SLC44A5: variants seen among roughly 807,000 people sequenced by gnomAD.
SLC44A5 encodes choline transporter-like protein 5.
SLC44A5 carries 57 observed loss-of-function variants against 101.8 expected under a neutral mutation model. That is an observed-to-expected ratio of 0.56 (90% CI 0.45 to 0.70). The LOEUF (loss-of-function observed/expected upper bound fraction) is 0.70, where lower values mean the gene tolerates loss of function less well. Among genes scored for constraint, SLC44A5 ranks in the 30% least tolerant of loss-of-function variants. SLC44A5 has a pLI of 0.00. For synonymous variants in SLC44A5, 281 were observed against 290.9 expected (o/e 0.97, Z 0.35); for missense variants, 737 against 853.1 (o/e 0.86, Z 1.70).
chr1:75,428,549 C>T (rs866314896), intron 2 of SLC44A5, among the ~76,000 whole-genome samples: 1 of 152,140 alleles, frequency 6.6e-6, no homozygotes, highest in African/African-American at 2.4e-5. Flanking sequence ...CAGATGTTCT[C>T]ATTGTGGAAG....
At chr1:75,518,650 G>A (rs1052551674) in intron 2 of SLC44A5, among the ~76,000 whole-genome samples, 6 of 152,252 alleles carry the variant, frequency 3.9e-5, no homozygotes, top group East Asian at 1.9e-4. Flanking sequence ...ATTAGAAGTC[G>A]TTTTAATTTT....
intron 2 of SLC44A5, among the ~76,000 whole-genome samples, chr1:75,511,690 G>C (rs74089287): frequency 0.017 from 2,619 of 152,306 alleles, 65 homozygotes; most frequent in African/African-American, 0.059. Context: ...CCAGTAAGAA[G>C]TGGACAATTT....
chr1:75,281,053 A>T (rs1232794078), intron 5 of SLC44A5, among the ~76,000 whole-genome samples: 4 of 152,148 alleles, frequency 2.6e-5, no homozygotes, highest in African/African-American at 4.8e-5. Context: ...GAGGGCTCAG[A>T]AGAAGACAGG....
At chr1:75,538,857 C>A (rs919495442) in intron 2 of SLC44A5, among the ~76,000 whole-genome samples, 2 of 152,186 alleles carry the variant, frequency 1.3e-5, no homozygotes, top group Non-Finnish European at 2.9e-5. Flanking sequence ...GTTCCTGAAA[C>A]CATACATTGG....
chr1:75,366,431 C>G (rs1659863509), intron 3 of SLC44A5, among the ~76,000 whole-genome samples: 1 of 152,108 alleles, frequency 6.6e-6, no homozygotes, highest in Non-Finnish European at 1.5e-5. Flanking sequence ...AGTCATTTTT[C>G]TCTTGCTGCT....
Position 75,425,461 on chromosome 1 carries a change from A to G in SLC44A5, c.14-28840T>C, listed in dbSNP as rs571689368. 3.9e-5 allele frequency among the ~76,000 whole-genome samples: 6 copies of G among 152,340 alleles called. No homozygotes were observed. The East Asian group carries it at 9.6e-4, about 24-fold the overall frequency. The stretch of plus-strand genomic sequence containing the variant: ...CCGAAGTCTGTAAACTTGCAGAAGC[A>G]TTGCATTTTAGAGGAACACTGTCAG... On this transcript the variant is annotated intron_variant, in intron 2 of 23. Transcript: ENST00000370859.
chr1:75,300,014 CAAAAAA>C lies in SLC44A5; in HGVS notation c.175+592_175+597del, dbSNP rs35608663. 5.3e-4 allele frequency among the ~76,000 whole-genome samples: 50 copies of C among 93,778 alleles called. 1 individual carries two copies. Among genetic ancestry groups the C allele is most frequent in the African/African-American group, 2.4e-3 (44 of 18,546 alleles). The allele number at this position is 93,778 out of a possible 152,430, so 61.5% of individuals were successfully genotyped here. On this transcript the variant is annotated intron_variant, in intron 5 of 23. Coordinates refer to ENST00000370859, the MANE Select transcript of SLC44A5 (RefSeq NM_001130058.2). ...CTGGGAACACAGTGAGACTCTGTCT[CAAAAAA>C]AAAAAAAAAAAAAAAAAAAAATTTC... is the stretch of plus-strand genomic sequence containing the variant.
Position 75,203,692 on chromosome 1 carries a change from G to T in SLC44A5, c.*35C>A, listed in dbSNP as rs2100414518. On this transcript the variant is annotated 3_prime_UTR_variant, in exon 24 of 24. Coordinates refer to ENST00000370859, the MANE Select transcript of SLC44A5 (RefSeq NM_001130058.2). Reference sequence around the variant, plus strand: ...CACAGACACAGCAGATGGAGAAAAGGTAACACACAGCTGTAGGACGACCAG... The same window carrying T: ...CACAGACACAGCAGATGGAGAAAAGTTAACACACAGCTGTAGGACGACCAG... 6.5e-7 allele frequency: 1 copy of T among 1,531,262 alleles called. No individual in the cohort carries two copies. The highest frequency in any genetic ancestry group is 1.7e-4 in the Middle Eastern group (1 of 5,874). The allele number at this position is 1,531,262 out of a possible 1,614,324, so 94.9% of individuals were successfully genotyped here. A position where few individuals can be genotyped will look rare whatever the true frequency, so the allele number is the denominator to read the frequency against.
At chr1:75,647,964 A>G in the SLC44A5 span, among the ~76,000 whole-genome samples, 1 of 152,132 alleles carries the variant, frequency 6.6e-6, no homozygotes, top group South Asian at 2.1e-4. Flanking sequence ...GGAAGGCATA[A>G]TTTTGTTTTG....
At chr1:75,289,795 A>C (rs1653382863) in intron 5 of SLC44A5, among the ~76,000 whole-genome samples, 1 of 152,210 alleles carries the variant, frequency 6.6e-6, no homozygotes, top group African/African-American at 2.4e-5. Context: ...TGACCGAAAG[A>C]GTAGAAGATC....
chr1:75,595,958 G>A (rs2102127588), intron 1 of SLC44A5, among the ~76,000 whole-genome samples: 1 of 152,186 alleles, frequency 6.6e-6, no homozygotes, highest in South Asian at 2.1e-4. Context: ...TAGAACTCAA[G>A]CTAATATTAC....
At chr1:75,606,870 T>C (rs1426158505) in intron 1 of SLC44A5, among the ~76,000 whole-genome samples, 27 of 151,972 alleles carry the variant, frequency 1.8e-4, no homozygotes. Flanking sequence ...AGTCACCAGT[T>C]GCTCTTTCTC....
intron 4 of SLC44A5, among the ~76,000 whole-genome samples, chr1:75,336,238 C>A (rs1397350037): frequency 6.6e-6 from 1 of 152,072 alleles, no homozygotes; most frequent in South Asian, 2.1e-4. Flanking sequence ...TCACTGCAAC[C>A]TCTGCCTCCT....
intron 1 of SLC44A5, among the ~76,000 whole-genome samples, chr1:75,580,668 G>A (rs560692546): frequency 6.6e-6 from 1 of 152,098 alleles, no homozygotes; most frequent in East Asian, 1.9e-4. Context: ...GCACAACCCT[G>A]TCTCTGCTAA....
intron 5 of SLC44A5, among the ~76,000 whole-genome samples, chr1:75,298,193 T>TC (rs535986459): frequency 1.2e-3 from 186 of 152,294 alleles, no homozygotes; most frequent in African/African-American, 4.0e-3. Context: ...TGCCATAGTT[T>TC]CCCCTCATGC....
At chr1:75,574,986 T>C (rs1178522193) in intron 1 of SLC44A5, among the ~76,000 whole-genome samples, 2 of 152,130 alleles carry the variant, frequency 1.3e-5, no homozygotes, top group Non-Finnish European at 2.9e-5. Context: ...TTAGGATGAC[T>C]CTGGAAATCA....
intron 7 of SLC44A5, 106 bp downstream of exon 7, chr1:75,251,104 C>A: frequency 2.4e-6 from 2 of 818,676 alleles, no homozygotes; most frequent in South Asian, 3.0e-5. Context: ...ATAATGAACC[C>A]CCTGCCCACG....
intron 2 of SLC44A5, among the ~76,000 whole-genome samples, chr1:75,537,468 T>A (rs1444063389): frequency 6.6e-6 from 1 of 152,202 alleles, no homozygotes; most frequent in Non-Finnish European, 1.5e-5. Flanking sequence ...TGCAAATATA[T>A]CATTCTGTTC....
chr1:75,479,949 A>T (rs1667723973), intron 2 of SLC44A5, among the ~76,000 whole-genome samples: 4 of 152,238 alleles, frequency 2.6e-5, no homozygotes, highest in Admixed American at 2.6e-4. Flanking sequence ...ACACAACCAA[A>T]AAAAGAGAAT....
Sources: allele counts gnomAD v4.1 joint callset (sites outside exome capture counted in the v4.1 genomes callset), GRCh38; gene constraint gnomAD v4.1.1; transcripts MANE v1.5; gene names NCBI Gene and HGNC (gene_info 2026-07-23, HGNC 2026-07-21).